ULK4: variants seen among roughly 807,000 people sequenced by gnomAD.
ULK4 encodes unc-51 like kinase 4, also known as inactive serine/threonine-protein kinase ULK4.
A neutral mutation model predicts 160.6 loss-of-function variants in ULK4; 133 were observed. The observed-to-expected ratio is 0.83, with a 90% confidence interval of 0.72 to 0.96. The LOEUF (loss-of-function observed/expected upper bound fraction) is 0.96. Among genes scored for constraint, ULK4 ranks in the 40% least tolerant of loss-of-function variants. The pLI is 0.00. For missense variants in ULK4, 1,580 were observed against 1,499.5 expected, an observed-to-expected ratio of 1.05 and a Z score of -0.89; for synonymous variants, 534 against 539.8, an observed-to-expected ratio of 0.99 and a Z score of 0.15.
At chr3:41,889,695 TAAGA>T (rs930181419) in intron 16 of ULK4, among the ~76,000 whole-genome samples, 5 of 152,134 alleles carry the variant, frequency 3.3e-5, no homozygotes, top group South Asian at 2.1e-4. Context: ...AACAAAAGTA[TAAGA>T]AAGAGAGTTT....
chr3:41,944,537 T>C lies in ULK4; in HGVS notation c.139-6340A>G, dbSNP rs537219373. ...CCATCCAGTTATCATCCCATTTCTC[T>C]GCTCCTTGATACAGCAAAACTCCTT... is the stretch of plus-strand genomic sequence containing the variant. On this transcript the variant is annotated intron_variant, in intron 2 of 36. Coordinates refer to ENST00000301831, the MANE Select transcript of ULK4 (RefSeq NM_017886.4). Among the ~76,000 whole-genome samples, 6 of 152,280 alleles carry C rather than the reference T, an allele frequency of 3.9e-5. No homozygotes were observed. In the East Asian group the frequency reaches 7.7e-4, roughly 20 times the overall value.
chr3:41,900,919 C>T (rs1297320999), intron 12 of ULK4, 90 bp from the exon 13 acceptor site: 5 of 858,966 alleles, frequency 5.8e-6, no homozygotes, highest in Admixed American at 2.0e-5. Context: ...GAAGACACCA[C>T]TGTAAAATAT....
At chr3:41,626,848 T>C (rs541654446) in intron 30 of ULK4, among the ~76,000 whole-genome samples, 1 of 152,226 alleles carries the variant, frequency 6.6e-6, no homozygotes, top group South Asian at 2.1e-4. Flanking sequence ...GCTTTTGAGG[T>C]AAAGTCATAG....
chr3:41,673,959 T>C (rs2035620574), intron 29 of ULK4, among the ~76,000 whole-genome samples: 1 of 152,176 alleles, frequency 6.6e-6, no homozygotes, highest in East Asian at 1.9e-4. Context: ...AATTTAATTG[T>C]GTTAACCATT....
In ULK4 at chr3:41,622,119, T is replaced by C. The variant is rs551717326; in HGVS notation, c.3072-6402A>G. Among the ~76,000 whole-genome samples the C allele has an allele frequency of 5.9e-5, 9 of 152,304 alleles. No individual in the cohort carries two copies. The East Asian group carries it at 1.7e-3, about 29-fold the overall frequency. On this transcript the variant is annotated intron_variant, in intron 30 of 36. Transcript: ENST00000301831. ...TAAAAAGTCAGGAAACACCAGATAC[T>C]GGCAAGGCTGTGGAGAAATAGGAAC...
At chr3:41,700,179 C>T (rs376856614) in intron 27 of ULK4, among the ~76,000 whole-genome samples, 1 of 152,078 alleles carries the variant, frequency 6.6e-6, no homozygotes, top group Non-Finnish European at 1.5e-5. Context: ...ACCCTAAACC[C>T]TAAGCTCTGA....
chr3:41,649,507 C>G (rs1334557681), intron 30 of ULK4, among the ~76,000 whole-genome samples: 1 of 152,322 alleles, frequency 6.6e-6, no homozygotes, highest in African/African-American at 2.4e-5. Context: ...CTCCTGCTCC[C>G]TGGCCTCCCC....
chr3:41,733,486 C>G (rs2037904700), intron 22 of ULK4, among the ~76,000 whole-genome samples: 1 of 151,910 alleles, frequency 6.6e-6, no homozygotes. Context: ...TTACAAAATG[C>G]AAGAATGCAG....
In ULK4 at chr3:41,279,256, A is replaced by T. The variant is rs1188179169; in HGVS notation, c.3679-29682T>A. Among the ~76,000 whole-genome samples the T allele has an allele frequency of 5.0e-4, 48 of 96,938 alleles. 1 individual carries two copies. The East Asian group carries it at 0.012, about 23-fold the overall frequency. 63.6% of individuals were successfully genotyped at this position (96,938 alleles called of 152,430 possible). ...AGAAAAGATTAGAGAAAAAAAGAGTAAAAAAAAAAAAAAAAAAAACAAAAC... is the reference window on the plus strand; with the variant it reads ...AGAAAAGATTAGAGAAAAAAAGAGTTAAAAAAAAAAAAAAAAAAACAAAAC... On this transcript the variant is annotated intron_variant, in intron 35 of 36. Coordinates refer to ENST00000301831, the MANE Select transcript of ULK4 (RefSeq NM_017886.4).
At chr3:41,274,467 G>C (rs548949513) in intron 35 of ULK4, among the ~76,000 whole-genome samples, 1 of 152,264 alleles carries the variant, frequency 6.6e-6, no homozygotes, top group East Asian at 1.9e-4. Flanking sequence ...ATCTGACTCT[G>C]ATACACATCA....
intron 30 of ULK4, among the ~76,000 whole-genome samples, chr3:41,652,247 A>G (rs1425868556): frequency 2.0e-5 from 3 of 152,214 alleles, no homozygotes; most frequent in South Asian, 2.1e-4. Context: ...GAAAATATAA[A>G]TAACATCAAA....
chr3:41,669,746 T>C (rs1326611834), intron 29 of ULK4, among the ~76,000 whole-genome samples: 1 of 151,388 alleles, frequency 6.6e-6, no homozygotes, highest in East Asian at 1.9e-4. Flanking sequence ...CATCTATATA[T>C]GTAGGTATAG....
At chr3:41,368,206 C>G (rs117208518) in intron 35 of ULK4, among the ~76,000 whole-genome samples, 5,499 of 151,988 alleles carry the variant, frequency 0.036, 270 homozygotes, top group East Asian at 0.19. Context: ...CACCACGACG[C>G]CCGGCTAATT....
chr3:41,713,905 A>C (rs2037180313), intron 25 of ULK4, among the ~76,000 whole-genome samples: 1 of 152,224 alleles, frequency 6.6e-6, no homozygotes, highest in Non-Finnish European at 1.5e-5. Context: ...TGTAGGCAGA[A>C]GAAAATACTA....
intron 2 of ULK4, among the ~76,000 whole-genome samples, chr3:41,948,281 T>C (rs1448884218): frequency 6.6e-6 from 1 of 152,162 alleles, no homozygotes; most frequent in East Asian, 1.9e-4. Context: ...TGAAACCCCA[T>C]CTCTACTAAA....
At chr3:41,570,900 G>A (rs756086646) in intron 31 of ULK4, among the ~76,000 whole-genome samples, 1 of 152,090 alleles carries the variant, frequency 6.6e-6, no homozygotes, top group South Asian at 2.1e-4. Context: ...TCTGCAGAGG[G>A]GTATAAAACT....
chr3:41,553,892 C>A (rs2087182079), intron 32 of ULK4, among the ~76,000 whole-genome samples: 2 of 151,840 alleles, frequency 1.3e-5, no homozygotes, highest in Admixed American at 6.6e-5. Context: ...TTATAGCCAC[C>A]CTGTTGTGCT....
At chr3:41,545,209 A>G (rs903707943) in intron 32 of ULK4, among the ~76,000 whole-genome samples, 1 of 152,108 alleles carries the variant, frequency 6.6e-6, no homozygotes, top group Admixed American at 6.5e-5. Flanking sequence ...TTCATATTTA[A>G]CCACATTCGC....
At chr3:41,435,764 T>C (rs1032872230) in intron 34 of ULK4, among the ~76,000 whole-genome samples, 10 of 152,072 alleles carry the variant, frequency 6.6e-5, no homozygotes, top group Admixed American at 2.0e-4. Flanking sequence ...CTGACCAACA[T>C]AGTGAAACCC....
Sources: allele counts gnomAD v4.1 joint callset (sites outside exome capture counted in the v4.1 genomes callset), GRCh38; gene constraint gnomAD v4.1.1; transcripts MANE v1.5; gene names NCBI Gene and HGNC (gene_info 2026-07-23, HGNC 2026-07-21).